CHCHD3: variants seen among roughly 807,000 people sequenced by gnomAD.
CHCHD3 encodes the protein coiled-coil-helix-coiled-coil-helix domain containing 3, also known as MICOS complex subunit MIC19.
Under a neutral mutation model 38.2 loss-of-function variants are expected in CHCHD3, and 20 were observed. The observed-to-expected ratio is 0.52, with a 90% confidence interval of 0.37 to 0.76. The LOEUF is 0.76. Among genes scored for constraint, CHCHD3 ranks in the 30% least tolerant of loss-of-function variants. The pLI is 0.00. For synonymous variants in CHCHD3, 82 were observed against 100.0 expected (o/e 0.82, Z 1.07); for missense variants, 245 against 279.2 (o/e 0.88, Z 0.87).
rs986314796 is a variant in CHCHD3 at position 132,983,049 on chromosome 7, G to C, written c.252-7763C>G. Among the ~76,000 whole-genome samples the C allele has an allele frequency of 2.6e-5, 4 of 152,206 alleles. No homozygotes were observed. In the South Asian group the frequency reaches 8.3e-4, roughly 32 times the overall value. ...ATTAAAAAGTTAAAATTGGCCAGGC[G>C]CGGCAGCTCATGCCTGTAATCCCAG... On this transcript the variant is annotated intron_variant, in intron 3 of 7. Transcript: ENST00000262570.
intron 5 of CHCHD3, among the ~76,000 whole-genome samples, chr7:132,845,358 C>A (rs550765466): frequency 6.6e-6 from 1 of 152,140 alleles, no homozygotes; most frequent in African/African-American, 2.4e-5. Flanking sequence ...TTTAAAAAAG[C>A]CATTTTAATA....
intron 7 of CHCHD3, among the ~76,000 whole-genome samples, chr7:132,793,317 T>C (rs960090406): frequency 8.5e-5 from 13 of 152,206 alleles, no homozygotes; most frequent in African/African-American, 1.4e-4. Context: ...TAAGCAGATA[T>C]GAGAAACAAA....
chr7:133,051,493 A>C (rs1475585364), intron 2 of CHCHD3, among the ~76,000 whole-genome samples: 2 of 152,194 alleles, frequency 1.3e-5, no homozygotes, highest in African/African-American at 2.4e-5. Flanking sequence ...CTACTAGCCA[A>C]GTTATTCTAA....
At chr7:132,824,504 C>T (rs937116677) in intron 6 of CHCHD3, among the ~76,000 whole-genome samples, 3 of 151,928 alleles carry the variant, frequency 2.0e-5, no homozygotes. Flanking sequence ...TTAGTAAAGA[C>T]AGGGTTTCAC....
At chr7:133,078,415 A>C (rs530700914) in intron 1 of CHCHD3, among the ~76,000 whole-genome samples, 1 of 152,336 alleles carries the variant, frequency 6.6e-6, no homozygotes, top group East Asian at 1.9e-4. Flanking sequence ...GTGGAGCGGC[A>C]CATGCCCGTA....
intron 4 of CHCHD3, among the ~76,000 whole-genome samples, chr7:132,886,652 GTA>G (rs909396249): frequency 6.6e-6 from 1 of 150,712 alleles, no homozygotes; most frequent in Non-Finnish European, 1.5e-5. Flanking sequence ...GTGTATATAT[GTA>G]TATATGTGTG....
intron 4 of CHCHD3, among the ~76,000 whole-genome samples, chr7:132,886,314 A>G (rs1809207430): frequency 6.6e-6 from 1 of 152,084 alleles, no homozygotes; most frequent in African/African-American, 2.4e-5. Flanking sequence ...ACCATATTTA[A>G]AAGTAATTTT....
chr7:132,898,988 C>T (rs944170482), intron 4 of CHCHD3, among the ~76,000 whole-genome samples: 1 of 152,196 alleles, frequency 6.6e-6, no homozygotes, highest in African/African-American at 2.4e-5. Context: ...CGCGCCTCCC[C>T]CTCCACACCT....
chr7:132,880,471 G>T (rs938162943), intron 5 of CHCHD3, among the ~76,000 whole-genome samples: 3 of 152,116 alleles, frequency 2.0e-5, no homozygotes, highest in African/African-American at 4.8e-5. Context: ...ATTAAATTAT[G>T]AATTTAAATG....
chr7:132,874,653 T>C (rs532337125), intron 5 of CHCHD3, among the ~76,000 whole-genome samples: 2 of 152,308 alleles, frequency 1.3e-5, no homozygotes, highest in East Asian at 3.9e-4. Context: ...TATGTACAAC[T>C]CTTGGGTTAA....
chr7:133,071,732 T>C (rs1814823283), intron 1 of CHCHD3, among the ~76,000 whole-genome samples: 1 of 152,104 alleles, frequency 6.6e-6, no homozygotes, highest in Non-Finnish European at 1.5e-5. Context: ...ATAAACAAAA[T>C]CTTACATATC....
chr7:132,945,476 C>T (rs1005238327), intron 4 of CHCHD3, among the ~76,000 whole-genome samples: 1 of 151,766 alleles, frequency 6.6e-6, no homozygotes, highest in Admixed American at 6.6e-5. Flanking sequence ...AAATGAATTC[C>T]TATTGTCTAT....
chr7:133,079,140 G>T (rs1209603543), intron 1 of CHCHD3, among the ~76,000 whole-genome samples: 1 of 152,172 alleles, frequency 6.6e-6, no homozygotes, highest in Non-Finnish European at 1.5e-5. Flanking sequence ...TACCCTTTTA[G>T]GTACACCTGT....
At chr7:133,056,943 ACT>A (rs10609541) in intron 2 of CHCHD3, among the ~76,000 whole-genome samples, 3,440 of 150,150 alleles carry the variant, frequency 0.023, 128 homozygotes, top group African/African-American at 0.08. Flanking sequence ...ACATGAGCTC[ACT>A]CTCTCTCTCT....
chr7:132,982,909 T>C (rs1163584883), intron 3 of CHCHD3, among the ~76,000 whole-genome samples: 1 of 152,200 alleles, frequency 6.6e-6, no homozygotes, highest in African/African-American at 2.4e-5. Flanking sequence ...AACTCACAGA[T>C]GAATCACATA....
chr7:133,019,919 A>G (rs1450685047), intron 3 of CHCHD3, among the ~76,000 whole-genome samples: 2 of 152,136 alleles, frequency 1.3e-5, no homozygotes, highest in African/African-American at 4.8e-5. Flanking sequence ...TGTCCTTGCT[A>G]TATTGGCCTA....
intron 3 of CHCHD3, among the ~76,000 whole-genome samples, chr7:133,001,631 C>A (rs1812575285): frequency 6.6e-6 from 1 of 152,004 alleles, no homozygotes; most frequent in South Asian, 2.1e-4. Context: ...AGCAATGGCT[C>A]CTACAAAAGA....
intron 6 of CHCHD3, among the ~76,000 whole-genome samples, chr7:132,811,137 A>G (rs551409581): frequency 2.2e-4 from 34 of 152,146 alleles, no homozygotes; most frequent in African/African-American, 8.2e-4. Flanking sequence ...ATCTGCACCC[A>G]TCTTCTTTTC....
chr7:132,819,484 A>G (rs1291302345), intron 6 of CHCHD3, among the ~76,000 whole-genome samples: 1 of 152,056 alleles, frequency 6.6e-6, no homozygotes, highest in Non-Finnish European at 1.5e-5. Flanking sequence ...AGAAGCATGG[A>G]CATTTTATAA....
Sources: allele counts gnomAD v4.1 joint callset (sites outside exome capture counted in the v4.1 genomes callset), GRCh38; gene constraint gnomAD v4.1.1; transcripts MANE v1.5; gene names NCBI Gene and HGNC (gene_info 2026-07-23, HGNC 2026-07-21).